Variants in AKR7A2 observed in about 807,000 individuals in gnomAD.
AKR7A2 encodes aflatoxin B1 aldehyde reductase member 2.
A neutral mutation model predicts 37.3 loss-of-function variants in AKR7A2; 29 were observed. That is an observed-to-expected ratio of 0.78 (90% CI 0.58 to 1.06). The LOEUF (loss-of-function observed/expected upper bound fraction) is 1.06, where lower values mean the gene tolerates loss of function less well. Among genes scored for constraint, AKR7A2 ranks in the 50% least tolerant of loss-of-function variants. The pLI, the probability that AKR7A2 is intolerant of heterozygous loss-of-function variation, is 0.00. For synonymous variants in AKR7A2, 228 were observed against 217.8 expected (o/e 1.05, Z -0.41); for missense variants, 529 against 497.9 (o/e 1.06, Z -0.59).
chr1:19,303,880 C>T (rs376674881), downstream of AKR7A2: 2 of 374,734 alleles, frequency 5.3e-6, no homozygotes. Context: ...TACCTCTGCC[C>T]TCTGAAGACT....
chr1:19,308,027 G>C, intron 3 of AKR7A2, 131 bp downstream of exon 3: 1 of 1,181,818 alleles, frequency 8.5e-7, no homozygotes, highest in South Asian at 1.3e-5. Flanking sequence ...GGGTACATGG[G>C]AGCCATCTGC....
chr1:19,303,160 G>A (rs1244358877), downstream of AKR7A2, among the ~76,000 whole-genome samples: 7 of 152,250 alleles, frequency 4.6e-5, no homozygotes, highest in African/African-American at 7.2e-5. Context: ...AAAACTTCTC[G>A]GGAGGCTGAG....
chr1:19,307,552 G>T, intron 3 of AKR7A2, 142 bp from the exon 4 acceptor site: 1 of 910,510 alleles, frequency 1.1e-6, no homozygotes, highest in Non-Finnish European at 1.7e-6. Context: ...GGGATGGAGG[G>T]AAGGTGTTGG....
In AKR7A2 at chr1:19,304,162, G is replaced by A; in HGVS notation, c.*63C>T. On this transcript the variant is annotated 3_prime_UTR_variant, in exon 7 of 7. Transcript: ENST00000235835. Reference sequence around the variant, plus strand: ...TCTAAGTCAGCTTAAGGCCAAGACTGGTCAGTGTGAGAGAACAAAAGAGGT... The same window carrying A: ...TCTAAGTCAGCTTAAGGCCAAGACTAGTCAGTGTGAGAGAACAAAAGAGGT... 1 of 1,612,584 alleles carries A rather than the reference G, an allele frequency of 6.2e-7. No individual in the cohort carries two copies. The highest frequency in any genetic ancestry group is 8.5e-7 in the Non-Finnish European group (1 of 1,178,600).
chr1:19,308,576 T>C lies in AKR7A2; in HGVS notation c.365A>G (p.Gln122Arg), dbSNP rs1327655167. ...KSLKPDSVRS[Q>R]LETSLKRLQC... Reference sequence around the variant, plus strand: ...CAGCCTCTTCAATGACGTCTCCAGCTGGGACCGGACACTGTCAGGCTTTAG... The same window carrying C: ...CAGCCTCTTCAATGACGTCTCCAGCCGGGACCGGACACTGTCAGGCTTTAG... Residue 122 changes from glutamine to arginine, a missense_variant, in exon 2 of 7, where the codon CAG becomes CGG. Coordinates refer to ENST00000235835, the MANE Select transcript of AKR7A2 (RefSeq NM_003689.4). The C allele has an allele frequency of 6.2e-7, 1 of 1,614,208 alleles. No individual in the cohort carries two copies. Among genetic ancestry groups the C allele is most frequent in the Admixed American group, 1.7e-5 (1 of 60,032 alleles).
In AKR7A2 at chr1:19,307,825, T is replaced by C. The variant is rs377183865; in HGVS notation, c.591+333A>G. Reference sequence around the variant, plus strand: ...GAGACTGGAGACTCCTATGGGGCTGTCTAGAAAGGCTTCCAGAGGAGGAGA... The same window carrying C: ...GAGACTGGAGACTCCTATGGGGCTGCCTAGAAAGGCTTCCAGAGGAGGAGA... On this transcript the variant is annotated intron_variant, in intron 3 of 6. Coordinates refer to ENST00000235835, the MANE Select transcript of AKR7A2 (RefSeq NM_003689.4). The C allele has an allele frequency of 9.8e-6, 5 of 511,480 alleles. No homozygotes were observed. The East Asian group carries it at 1.8e-4, about 19-fold the overall frequency. 31.7% of individuals were successfully genotyped at this position (511,480 alleles called of 1,614,324 possible).
In AKR7A2 at chr1:19,311,840, A is replaced by G. The variant is rs769208705; in HGVS notation, c.285T>C (p.Gly95=). 1.2e-6 allele frequency: 2 copies of G among 1,610,224 alleles called. No homozygotes were observed. The part of the protein sequence containing the change: ...ILGGLGLGLG[G]GDCRVKIATK... ...AGCTACTGTTACCTCTGCAGTCGCC[A>G]CCGCCCAGCCCGAGCCCCAGGCCGC... Residue 95 remains glycine (G), a synonymous_variant, in exon 1 of 7, where the codon GGT becomes GGC. Coordinates refer to ENST00000235835, the MANE Select transcript of AKR7A2 (RefSeq NM_003689.4).
chr1:19,304,601 C>G (rs553601117), intron 6 of AKR7A2, among the ~76,000 whole-genome samples: 18 of 152,304 alleles, frequency 1.2e-4, no homozygotes, highest in African/African-American at 3.1e-4. Flanking sequence ...CCACACAGAA[C>G]TACATTCACA....
At chr1:19,302,713 T>G (rs952311155), downstream of AKR7A2, among the ~76,000 whole-genome samples, 40 of 150,694 alleles carry the variant, frequency 2.7e-4, no homozygotes, top group Admixed American at 7.3e-4. Flanking sequence ...TTTTTTGAGA[T>G]GGGGTCTGAC....
At chr1:19,303,671 C>A (rs1289977983), downstream of AKR7A2, among the ~76,000 whole-genome samples, 1 of 152,218 alleles carries the variant, frequency 6.6e-6, no homozygotes, top group East Asian at 1.9e-4. Context: ...ATGGTAGTTT[C>A]TTTGTCCCAG....
At chr1:19,310,872 C>T (rs979773265) in intron 1 of AKR7A2, among the ~76,000 whole-genome samples, 1 of 152,078 alleles carries the variant, frequency 6.6e-6, no homozygotes, top group African/African-American at 2.4e-5. Context: ...AGGGTAACAG[C>T]CCACGTTCCC....
chr1:19,304,354 C>A lies in AKR7A2; in HGVS notation c.951G>T (p.Met317Ile). 2 of 1,614,176 alleles carry A rather than the reference C, an allele frequency of 1.2e-6. No homozygotes were observed. The highest frequency in any genetic ancestry group is 1.3e-5 in the African/African-American group (1 of 75,058). Residue 317 changes from methionine (M) to isoleucine (I), a missense_variant, in exon 7 of 7, where the codon ATG (methionine) becomes ATT (isoleucine). Met to Ile is a conservative substitution (Grantham distance 10). Coordinates refer to ENST00000235835, the MANE Select transcript of AKR7A2 (RefSeq NM_003689.4). ...GAHGDAVILG[M>I]SSLEQLEQNL... ...TCTGCTCCAGCTGCTCCAGGCTGGA[C>A]ATGCCCAGGATGACCGCGTCCCCGT...
rs114203596 is a variant in AKR7A2, at chr1:19,304,030, C to T, written c.*195G>A. The T allele has an allele frequency of 4.8e-3, 4,171 of 869,722 alleles. 16 individuals carry two copies. The highest frequency in any genetic ancestry group is 7.6e-3 in the Admixed American group (331 of 43,456). The allele number at this position is 869,722 out of a possible 1,614,324, so 53.9% of individuals were successfully genotyped here. The stretch of plus-strand genomic sequence containing the variant: ...AGTGCCTGCTTTATTCAACAGGAAG[C>T]GCTCAAGTGGGACTCACCCCCCACC... On this transcript the variant is annotated 3_prime_UTR_variant, in exon 7 of 7. Coordinates refer to ENST00000235835, the MANE Select transcript of AKR7A2 (RefSeq NM_003689.4).
In AKR7A2 at chr1:19,312,087, G is replaced by C; in HGVS notation, c.38C>G (p.Ala13Gly). The C allele has an allele frequency of 1.5e-6, 2 of 1,341,956 alleles. No homozygotes were observed. The highest frequency in any genetic ancestry group is 1.9e-6 in the Non-Finnish European group (2 of 1,055,898). The allele number at this position is 1,341,956 out of a possible 1,614,324, so 83.1% of individuals were successfully genotyped here. ...SAASRVVSRA[A>G]VHCALRSPPP... ...CGGAGAGCGAAGCGCGCAGTGGACG[G>C]CGGCGCGGGAGACTACGCGAGACGC... The change falls in exon 1 of 7, where the codon GCC becomes GGC. Residue 13 changes from alanine to glycine, a missense_variant. Transcript: ENST00000235835.
In AKR7A2 at chr1:19,306,027, T is replaced by C. The variant is rs1414113545; in HGVS notation, c.909A>G (p.Ser303=). 5 of 1,613,846 alleles carry C rather than the reference T, an allele frequency of 3.1e-6. No homozygotes were observed. In the East Asian group the frequency reaches 8.9e-5, roughly 29 times the overall value. The change falls in exon 6 of 7, where the codon TCA becomes TCG. Residue 303 remains serine (S), a synonymous_variant. Coordinates refer to ENST00000235835, the MANE Select transcript of AKR7A2 (RefSeq NM_003689.4). Reference sequence around the variant, plus strand: ...CAGGGTCGCTGGTTACCTGCAGCTGTGAGTGGTGGTACATCCACCGGAGGG... The same window carrying C: ...CAGGGTCGCTGGTTACCTGCAGCTGCGAGTGGTGGTACATCCACCGGAGGG... ...SAALRWMYHH[S]QLQGAHGDAV...
chr1:19,305,968 G>A (rs769123765), intron 6 of AKR7A2, 50 bp downstream of exon 6: 15 of 1,612,572 alleles, frequency 9.3e-6, no homozygotes, highest in African/African-American at 5.3e-5. Context: ...TAAAGGTGAC[G>A]CTGGTCCCCC....
At chr1:19,306,903 C>G (rs1025194987) in intron 5 of AKR7A2, 99 bp downstream of exon 5, 3 of 1,079,686 alleles carry the variant, frequency 2.8e-6, no homozygotes, top group Non-Finnish European at 4.3e-6. Context: ...GAGATGCAAA[C>G]AGCAAAGGAA....
intron 1 of AKR7A2, among the ~76,000 whole-genome samples, chr1:19,309,118 A>T (rs527384174): frequency 5.3e-5 from 8 of 152,240 alleles, no homozygotes; most frequent in Admixed American, 2.6e-4. Context: ...ACTCCAGAGC[A>T]TGGGAACCCA....
intron 1 of AKR7A2, among the ~76,000 whole-genome samples, chr1:19,311,567 TG>T (rs2093775472): frequency 7.3e-6 from 1 of 136,698 alleles, no homozygotes; most frequent in South Asian, 2.3e-4. Context: ...TCAATGGAGG[TG>T]GGAAGCGATG....
Sources: allele counts gnomAD v4.1 joint callset (sites outside exome capture counted in the v4.1 genomes callset), GRCh38; gene constraint gnomAD v4.1.1; transcripts MANE v1.5; gene names NCBI Gene and HGNC (gene_info 2026-07-23, HGNC 2026-07-21).